The following NOS1AP variants were observed in gnomAD, a reference collection of about 807,000 sequenced individuals.
NOS1AP encodes the protein carboxyl-terminal PDZ ligand of neuronal nitric oxide synthase protein.
Under a neutral mutation model 56.2 loss-of-function variants are expected in NOS1AP, and 21 were observed. That is an observed-to-expected ratio of 0.37 (90% CI 0.26 to 0.54). The LOEUF is 0.54. Ranked by LOEUF, NOS1AP falls within the 20% of genes least tolerant of loss-of-function variation. The pLI is 0.84. For missense variants in NOS1AP, 522 were observed against 657.8 expected (o/e 0.79, Z 2.26); for synonymous variants, 270 against 274.6 (o/e 0.98, Z 0.17).
At chr1:162,362,719 A>T (rs1657945283) in intron 8 of NOS1AP, among the ~76,000 whole-genome samples, 1 of 152,210 alleles carries the variant, frequency 6.6e-6, no homozygotes, top group African/African-American at 2.4e-5. Flanking sequence ...AACGGTACTC[A>T]TAAGTGCAAG....
intron 2 of NOS1AP, among the ~76,000 whole-genome samples, chr1:162,247,582 G>A (rs1437876168): frequency 6.6e-6 from 1 of 152,128 alleles, no homozygotes; most frequent in Non-Finnish European, 1.5e-5. Context: ...TGGGGTAATA[G>A]CAATATAATT....
At position 162,080,039 on chromosome 1, in the gene NOS1AP, G is replaced by A. The variant is rs147271061; in HGVS notation, c.105+9757G>A. On this transcript the variant is annotated intron_variant, in intron 1 of 9. Transcript: ENST00000361897. ...TAAAAATCACAGAATCTTAAGTACG[G>A]TATTGTCTGTCTTGTCTTTCTCTGA... Among the ~76,000 whole-genome samples, 48 of 152,260 alleles carry A rather than the reference G, an allele frequency of 3.2e-4. 1 individual carries two copies. In the East Asian group the frequency reaches 8.3e-3, roughly 26 times the overall value.
At chr1:162,073,008 G>A (rs939941845) in intron 1 of NOS1AP, among the ~76,000 whole-genome samples, 2 of 152,160 alleles carry the variant, frequency 1.3e-5, no homozygotes, top group African/African-American at 4.8e-5. Context: ...GTGTTCCTTT[G>A]GAAGTATGCC....
At position 162,188,648 on chromosome 1, in the gene NOS1AP, G is replaced by A. The variant is rs992540641; in HGVS notation, c.177+34172G>A. 6.6e-5 allele frequency among the ~76,000 whole-genome samples: 10 copies of A among 152,214 alleles called. No homozygotes were observed. The highest frequency in any genetic ancestry group is 1.5e-5 in the Non-Finnish European group (1 of 68,044). Reference sequence around the variant, plus strand: ...AGTGACAGAGGTGCTTTGAATGTGGGCTGCATGTGTAGTGGTCTTATGTGC... The same window carrying A: ...AGTGACAGAGGTGCTTTGAATGTGGACTGCATGTGTAGTGGTCTTATGTGC... On this transcript the variant is annotated intron_variant, in intron 2 of 9. Coordinates refer to ENST00000361897, the MANE Select transcript of NOS1AP (RefSeq NM_014697.3). This position sits in a 1 kb window ranked among gnomAD's most constrained non-coding sequence, Gnocchi z 4.0.
intron 4 of NOS1AP, among the ~76,000 whole-genome samples, chr1:162,305,940 T>C (rs2101760369): frequency 6.6e-6 from 1 of 152,364 alleles, no homozygotes; most frequent in East Asian, 1.9e-4. Flanking sequence ...AATGTTCAAT[T>C]AAATGTAATT....
intron 2 of NOS1AP, among the ~76,000 whole-genome samples, chr1:162,225,801 G>A (rs1002922937): frequency 1.3e-5 from 2 of 152,180 alleles, no homozygotes; most frequent in East Asian, 1.9e-4. Context: ...GGCACAGTCC[G>A]TAGATTACTG....
intron 2 of NOS1AP, among the ~76,000 whole-genome samples, chr1:162,167,226 T>G (rs1015322402): frequency 1.3e-5 from 2 of 152,244 alleles, no homozygotes; most frequent in African/African-American, 4.8e-5. Flanking sequence ...CTTGTTCATG[T>G]AATATTAGCA....
At chr1:162,361,495 G>A (rs914170477) in intron 8 of NOS1AP, among the ~76,000 whole-genome samples, 1 of 152,210 alleles carries the variant, frequency 6.6e-6, no homozygotes, top group East Asian at 1.9e-4. Context: ...GTATGGCCTG[G>A]TTTGGGTTCT....
chr1:162,328,233 C>T (rs1017968171), intron 4 of NOS1AP, among the ~76,000 whole-genome samples: 2 of 152,128 alleles, frequency 1.3e-5, no homozygotes, highest in African/African-American at 4.8e-5. Context: ...GTGGGGAGGG[C>T]ATCAGGAAGA....
At chr1:162,142,886 C>T (rs1487405818) in intron 1 of NOS1AP, among the ~76,000 whole-genome samples, 1 of 152,126 alleles carries the variant, frequency 6.6e-6, no homozygotes, top group African/African-American at 2.4e-5. Flanking sequence ...GATTTCTAAT[C>T]AAGAGAGTTT....
intron 4 of NOS1AP, among the ~76,000 whole-genome samples, chr1:162,311,791 T>A (rs1266018309): frequency 6.8e-6 from 1 of 146,498 alleles, no homozygotes; most frequent in African/African-American, 2.5e-5. Context: ...GTCCATGTGA[T>A]CTCATTGTTC....
intron 2 of NOS1AP, among the ~76,000 whole-genome samples, chr1:162,155,340 ATGTGTG>A: frequency 7.1e-6 from 1 of 141,384 alleles, no homozygotes. Context: ...ATATGTATGT[ATGTGTG>A]TATATATGTA....
chr1:162,160,407 GC>G (rs1335622360), intron 2 of NOS1AP, among the ~76,000 whole-genome samples: 1 of 152,150 alleles, frequency 6.6e-6, no homozygotes, highest in Non-Finnish European at 1.5e-5. Flanking sequence ...ATATAAAATG[GC>G]CTTGGATGCT....
At chr1:162,248,586 T>G (rs1653749085) in intron 2 of NOS1AP, among the ~76,000 whole-genome samples, 1 of 152,180 alleles carries the variant, frequency 6.6e-6, no homozygotes, top group African/African-American at 2.4e-5. Flanking sequence ...GCAGAGAGCT[T>G]ACATCAATTT....
At chr1:162,273,207 C>T (rs1037800395) in intron 2 of NOS1AP, among the ~76,000 whole-genome samples, 4 of 148,678 alleles carry the variant, frequency 2.7e-5, no homozygotes, top group Admixed American at 2.0e-4. Flanking sequence ...TCTGTAGCCC[C>T]GACTGGAGTG....
chr1:162,204,232 A>G (rs1652090347), intron 2 of NOS1AP, among the ~76,000 whole-genome samples: 2 of 152,180 alleles, frequency 1.3e-5, no homozygotes, highest in South Asian at 4.1e-4. Context: ...CTGCTGCCCT[A>G]CATTACAGCT....
In NOS1AP at chr1:162,244,070, CG is replaced by C. The variant is rs374254836; in HGVS notation, c.178-43271del. The stretch of plus-strand genomic sequence containing the variant: ...TGGAGACTGGCTCAATGAGGTGTAT[CG>C]GGCCTTAAAGTATTTTTACCTGCTC... On this transcript the variant is annotated intron_variant, in intron 2 of 9. Coordinates refer to ENST00000361897, the MANE Select transcript of NOS1AP (RefSeq NM_014697.3). Among the ~76,000 whole-genome samples the C allele has an allele frequency of 1.9e-4, 29 of 152,252 alleles. 2 individuals carry two copies. Among genetic ancestry groups the C allele is most frequent in the African/African-American group, 6.7e-4 (28 of 41,550 alleles).
chr1:162,243,769 T>C (rs928843438), intron 2 of NOS1AP, among the ~76,000 whole-genome samples: 2 of 152,242 alleles, frequency 1.3e-5, no homozygotes, highest in Admixed American at 6.5e-5. Flanking sequence ...TCTGAGATGT[T>C]GGCTGTCTGT....
intron 2 of NOS1AP, among the ~76,000 whole-genome samples, chr1:162,215,945 T>C (rs1379467614): frequency 6.6e-6 from 1 of 152,228 alleles, no homozygotes; most frequent in East Asian, 1.9e-4. Flanking sequence ...CTTCATAGCA[T>C]TATAACTCAC....
Sources: gnomAD v4.1 joint callset for allele counts (sites outside exome capture counted in the v4.1 genomes callset) on GRCh38, gnomAD v4.1.1 for gene constraint, Gnocchi (gnomAD v3.1) non-coding constraint, MANE v1.5 for transcripts, NCBI Gene and HGNC (gene_info 2026-07-23, HGNC 2026-07-21) for gene names.